The following GAD1 variants were observed in gnomAD, a reference collection of about 807,000 sequenced individuals.
The protein encoded by GAD1 is 67 kDa glutamic acid decarboxylase.
Under a neutral mutation model 75.2 loss-of-function variants are expected in GAD1, and 35 were observed. That is an observed-to-expected ratio of 0.47 (90% CI 0.36 to 0.62). The LOEUF is 0.62. Among genes scored for constraint, GAD1 ranks in the 20% least tolerant of loss-of-function variants. The probability of loss-of-function intolerance (pLI) is 0.00; values close to 1 mark genes in which losing one functional copy is unlikely to be tolerated. For missense variants in GAD1, 490 were observed against 758.5 expected (o/e 0.65, Z 4.16); for synonymous variants, 257 against 271.9 (o/e 0.95, Z 0.54).
At chr2:170,832,206 T>G (rs1164877410) in intron 5 of GAD1, among the ~76,000 whole-genome samples, 1 of 152,208 alleles carries the variant, frequency 6.6e-6, no homozygotes, top group Non-Finnish European at 1.5e-5. Context: ...AATAGAAATT[T>G]GTTCTCTCAC....
At chr2:170,842,712 G>T (rs1306027610) in intron 6 of GAD1, 1 of 1,608,306 alleles carries the variant, frequency 6.2e-7, no homozygotes. Flanking sequence ...GGCCTCCCAA[G>T]GAAAATGGAC....
In GAD1 at chr2:170,842,259, C is replaced by T. The variant is rs149087897; in HGVS notation, c.639-1786C>T. 9.7e-4 allele frequency among the ~76,000 whole-genome samples: 148 copies of T among 152,330 alleles called. 1 individual carries two copies. Among genetic ancestry groups the T allele is most frequent in the Admixed American group, 3.6e-3 (55 of 15,308 alleles). On this transcript the variant is annotated intron_variant, in intron 6 of 16. Coordinates refer to ENST00000358196, the MANE Select transcript of GAD1 (RefSeq NM_000817.3). ...GTGGTTCCTGCCTGGCCAACACTGA[C>T]TTGATCCTAAGCCAACTTTCATCCA...
At chr2:170,848,898 T>C (rs111305927) in intron 11 of GAD1, 21 of 458,318 alleles carry the variant, frequency 4.6e-5, no homozygotes, top group Middle Eastern at 3.3e-4. Context: ...AGAATTCTAC[T>C]CTGGGAAGAA....
chr2:170,814,226 T>C (rs2105741156), upstream of GAD1, among the ~76,000 whole-genome samples: 1 of 152,196 alleles, frequency 6.6e-6, no homozygotes, highest in East Asian at 1.9e-4. Context: ...GCGAAATACC[T>C]CACCCCCCAA....
intron 6 of GAD1, among the ~76,000 whole-genome samples, chr2:170,840,322 G>C (rs891361133): frequency 2.6e-5 from 4 of 152,336 alleles, no homozygotes; most frequent in Admixed American, 6.5e-5. Context: ...CTGGACAGTA[G>C]AGTGTTTCCC....
At position 170,853,392 on chromosome 2, in the gene GAD1, G is replaced by C; in HGVS notation, c.1264-481G>C. ...CAAAAAGTCTGTCTCCAGCCTGTAG[G>C]AGCCAGAATCTGCACAGCGTCTTTA... On this transcript the variant is annotated intron_variant, in intron 13 of 16. Coordinates refer to ENST00000358196, the MANE Select transcript of GAD1 (RefSeq NM_000817.3). This position sits in a 1 kb window ranked among gnomAD's most constrained non-coding sequence, Gnocchi z 4.1. 1 of 200,870 alleles carries C rather than the reference G, an allele frequency of 5.0e-6. No individual in the cohort carries two copies. Among genetic ancestry groups the C allele is most frequent in the South Asian group, 9.8e-5 (1 of 10,200 alleles). 12.4% of individuals were successfully genotyped at this position (200,870 alleles called of 1,614,324 possible).
chr2:170,839,016 G>A (rs1346451543), intron 6 of GAD1, among the ~76,000 whole-genome samples: 1 of 152,220 alleles, frequency 6.6e-6, no homozygotes, highest in African/African-American at 2.4e-5. Context: ...AGTTGCCCTG[G>A]AAGATCATGA....
At position 170,821,869 on chromosome 2, in the gene GAD1, C is replaced by T. The variant is rs2241165; in HGVS notation, c.83-218C>T. The T allele has an allele frequency of 0.71, 403,887 of 570,728 alleles. 147,476 individuals carry two copies. Among genetic ancestry groups the T allele is most frequent in the South Asian group, 0.76 (37,505 of 49,074 alleles). 35.4% of individuals were successfully genotyped at this position (570,728 alleles called of 1,614,324 possible). On this transcript the variant is annotated intron_variant, in intron 2 of 16. Transcript: ENST00000358196. ...GCCCCGCCTCTCAGAGACACCGTTC[C>T]ATATTTGAAGCCAGGAGCAGGAAGG...
intron 5 of GAD1, among the ~76,000 whole-genome samples, chr2:170,834,849 C>T (rs1702332353): frequency 6.6e-6 from 1 of 151,024 alleles, no homozygotes; most frequent in African/African-American, 2.4e-5. Context: ...CGGCTCACTG[C>T]AACCTCCCCT....
chr2:170,833,594 T>A (rs1702295305), intron 5 of GAD1, among the ~76,000 whole-genome samples: 1 of 152,242 alleles, frequency 6.6e-6, no homozygotes, highest in Non-Finnish European at 1.5e-5. Flanking sequence ...CTCAGAGAGA[T>A]GAGAACTACA....
At chr2:170,823,807 G>GA (rs199909880) in intron 3 of GAD1, among the ~76,000 whole-genome samples, 6,514 of 152,304 alleles carry the variant, frequency 0.043, 194 homozygotes, top group Middle Eastern at 0.099. Flanking sequence ...GCCGAGGACA[G>GA]GGTAGGGGCA....
At chr2:170,852,235 T>A (rs556215938) in intron 12 of GAD1, among the ~76,000 whole-genome samples, 64 of 152,322 alleles carry the variant, frequency 4.2e-4, no homozygotes, top group African/African-American at 1.5e-3. Context: ...GTGGTAAGGA[T>A]TATGTGTGCC....
Position 170,829,830 on chromosome 2 carries a change from G to A in GAD1, c.304+197G>A, listed in dbSNP as rs921934310. The A allele has an allele frequency of 4.1e-5, 25 of 603,164 alleles. No individual in the cohort carries two copies. The East Asian group carries it at 7.0e-4, about 17-fold the overall frequency. The allele number at this position is 603,164 out of a possible 1,614,324, so 37.4% of individuals were successfully genotyped here. On this transcript the variant is annotated intron_variant, in intron 4 of 16. Transcript: ENST00000358196. ...TGCTGGCCAGGTCTCCATCATTTTG[G>A]AAACTGGATGAAGGCAGTCAATAAA...
chr2:170,848,260 G>A (rs950983145), intron 11 of GAD1, among the ~76,000 whole-genome samples: 2 of 152,232 alleles, frequency 1.3e-5, no homozygotes, highest in Non-Finnish European at 2.9e-5. Flanking sequence ...CACTTTGGGC[G>A]GCCAAGGCAG....
chr2:170,821,394 C>T (rs1161382396), intron 2 of GAD1, among the ~76,000 whole-genome samples: 3 of 152,256 alleles, frequency 2.0e-5, no homozygotes, highest in East Asian at 3.9e-4. Flanking sequence ...CCTTTGCCTG[C>T]TCCAGACCCA....
intron 3 of GAD1, among the ~76,000 whole-genome samples, chr2:170,827,724 G>A (rs1702058091): frequency 6.6e-6 from 1 of 152,150 alleles, no homozygotes; most frequent in Non-Finnish European, 1.5e-5. Flanking sequence ...CCATCTGCCA[G>A]GCTTGTAGGC....
intron 3 of GAD1, 42 bp downstream of exon 3, chr2:170,822,191 C>A: frequency 6.4e-7 from 1 of 1,560,024 alleles, no homozygotes; most frequent in South Asian, 1.1e-5. Context: ...GGTGGCGCGG[C>A]GGGCGGACCT....
chr2:170,835,693 C>T (rs1702353184), intron 5 of GAD1, among the ~76,000 whole-genome samples: 1 of 152,134 alleles, frequency 6.6e-6, no homozygotes, highest in African/African-American at 2.4e-5. Context: ...CATTTATTTA[C>T]CATTCAGTCT....
intron 15 of GAD1, 79 bp downstream of exon 15, chr2:170,857,204 TG>T: frequency 9.0e-7 from 1 of 1,109,250 alleles, no homozygotes; most frequent in Admixed American, 1.7e-5. Flanking sequence ...TCTGGCAACA[TG>T]GGAAAATCAA....
Sources: allele counts gnomAD v4.1 joint callset (sites outside exome capture counted in the v4.1 genomes callset), GRCh38; gene constraint gnomAD v4.1.1; non-coding constraint Gnocchi (gnomAD v3.1); transcripts MANE v1.5; gene names NCBI Gene and HGNC (gene_info 2026-07-23, HGNC 2026-07-21).